The following FIGLA variants were observed in gnomAD, a reference collection of about 807,000 sequenced individuals.
FIGLA encodes factor in the germline alpha.
Under a neutral mutation model 21.5 loss-of-function variants are expected in FIGLA, and 17 were observed. That is an observed-to-expected ratio of 0.79 (90% CI 0.54 to 1.19). The LOEUF is 1.19. FIGLA is among the 50% of genes most tolerant of loss of function. The pLI is 0.00. For synonymous variants in FIGLA, 129 were observed against 117.6 expected (o/e 1.10, Z -0.63); for missense variants, 282 against 285.0 (o/e 0.99, Z 0.08).
chr2:70,790,562 A>G lies in FIGLA; in HGVS notation c.77T>C (p.Leu26Pro). The change falls in exon 1 of 5, where the codon CTG (leucine) becomes CCG (proline). Residue 26 changes from leucine to proline, a missense_variant. Coordinates refer to ENST00000332372, the MANE Select transcript of FIGLA (RefSeq NM_001004311.3). ...ALLGTPQAEVLEDVLREQFGP... is the reference protein window; with the variant it reads ...ALLGTPQAEVPEDVLREQFGP... ...GAACTGCTCCCGCAACACGTCCTCC[A>G]GCACCTCGGCTTGCGGGGTGCCCAG... 1 of 1,523,588 alleles carries G rather than the reference A, an allele frequency of 6.6e-7. No homozygotes were observed. The highest frequency in any genetic ancestry group is 8.8e-7 in the Non-Finnish European group (1 of 1,141,120). The allele number at this position is 1,523,588 out of a possible 1,614,324, so 94.4% of individuals were successfully genotyped here.
chr2:70,790,393 C>T lies in FIGLA; in HGVS notation c.231+15G>A, dbSNP rs781794080. ...GGGAAGGGGGGAACGGACGTCGACC[C>T]TAGGGATCCCTCACCCGCTCACGCT... On this transcript the variant is annotated intron_variant, in intron 1 of 4. Transcript: ENST00000332372. The T allele has an allele frequency of 1.2e-4, 178 of 1,520,424 alleles. 1 individual carries two copies. The African/African-American group carries it at 2.2e-3, about 19-fold the overall frequency. The allele number at this position is 1,520,424 out of a possible 1,614,324, so 94.2% of individuals were successfully genotyped here. A position where few individuals can be genotyped will look rare whatever the true frequency, so the allele number is the denominator to read the frequency against.
Position 70,786,529 on chromosome 2 carries a change from C to A in FIGLA, c.385-890G>T, listed in dbSNP as rs191291187. Among the ~76,000 whole-genome samples the A allele has an allele frequency of 1.9e-3, 286 of 152,290 alleles. 1 individual carries two copies. The highest frequency in any genetic ancestry group is 6.6e-3 in the African/African-American group (274 of 41,558). ...CCATGTTAGCCAGGATGGTCTCGATCTCCTGACCTCATGATCTGCCTGCCT... is the reference window on the plus strand; with the variant it reads ...CCATGTTAGCCAGGATGGTCTCGATATCCTGACCTCATGATCTGCCTGCCT... On this transcript the variant is annotated intron_variant, in intron 2 of 4. Transcript: ENST00000332372.
chr2:70,784,217 C>T (rs955908911), intron 3 of FIGLA, among the ~76,000 whole-genome samples: 8 of 152,066 alleles, frequency 5.3e-5, no homozygotes, highest in Non-Finnish European at 8.8e-5. Context: ...CCCTGCCCTG[C>T]CCCCACCAGC....
At chr2:70,787,922 T>A in intron 1 of FIGLA, 121 bp from the exon 2 acceptor site, 2 of 968,486 alleles carry the variant, frequency 2.1e-6, no homozygotes, top group Middle Eastern at 2.5e-4. Flanking sequence ...TAAACAGGCA[T>A]ATGCCCCAAA....
intron 4 of FIGLA, 47 bp from the exon 5 acceptor site, chr2:70,777,429 C>A (rs1296210488): frequency 2.2e-6 from 3 of 1,394,564 alleles, no homozygotes; most frequent in South Asian, 1.5e-5. Context: ...AAATAAGAAC[C>A]GTTTACAAAA....
intron 1 of FIGLA, 32 bp from the exon 2 acceptor site, chr2:70,787,833 A>C (rs782627641): frequency 1.2e-6 from 2 of 1,604,792 alleles, no homozygotes; most frequent in South Asian, 2.3e-5. Flanking sequence ...TAACACACAG[A>C]GAAGCCAATT....
intron 1 of FIGLA, among the ~76,000 whole-genome samples, chr2:70,789,893 G>A (rs1167049107): frequency 6.6e-6 from 1 of 152,122 alleles, no homozygotes; most frequent in Non-Finnish European, 1.5e-5. Context: ...GGTGCACACT[G>A]GGACGTCGTG....
intron 3 of FIGLA, among the ~76,000 whole-genome samples, chr2:70,783,777 C>T (rs1675898827): frequency 6.6e-6 from 1 of 151,310 alleles, no homozygotes; most frequent in Non-Finnish European, 1.5e-5. Flanking sequence ...CAGCTCACTG[C>T]AACCTCCCCT....
At chr2:70,779,116 C>G (rs895757175) in intron 3 of FIGLA, among the ~76,000 whole-genome samples, 2 of 152,174 alleles carry the variant, frequency 1.3e-5, no homozygotes, top group South Asian at 2.1e-4. Context: ...ATGCAGTCGC[C>G]GGAGCAGCTT....
chr2:70,784,463 G>A (rs1384403801), intron 3 of FIGLA, among the ~76,000 whole-genome samples: 1 of 152,182 alleles, frequency 6.6e-6, no homozygotes, highest in Admixed American at 6.5e-5. Context: ...TATATACAAG[G>A]TAGGTACAAT....
At position 70,777,653 on chromosome 2, in the gene FIGLA, C is replaced by G; in HGVS notation, c.628G>C (p.Glu210Gln). 1 of 1,558,714 alleles carries G rather than the reference C, an allele frequency of 6.4e-7. No individual in the cohort carries two copies. The highest frequency in any genetic ancestry group is 8.8e-7 in the Non-Finnish European group (1 of 1,133,436). The change falls in exon 4 of 5, where the codon GAA (glutamate) becomes CAA (glutamine). Residue 210 changes from glutamate (E) to glutamine (Q), a missense_variant. By Grantham distance (29) the Glu-to-Gln change is conservative. Transcript: ENST00000332372. ...TRSLDRFPEV[E>Q]LLSHRLPQV is the part of the protein sequence containing the mutation. ...ATGACCTACCTGTGACTCAGCAGTT[C>G]TACTTCTGGGAATCTATCCTGCAAA...
chr2:70,784,915 T>A (rs1329004056), intron 3 of FIGLA, among the ~76,000 whole-genome samples: 1 of 148,208 alleles, frequency 6.7e-6, no homozygotes, highest in African/African-American at 2.5e-5. Flanking sequence ...ATTTAAAATG[T>A]TGTCTTACAA....
chr2:70,783,817 C>A (rs751579304), intron 3 of FIGLA, among the ~76,000 whole-genome samples: 32 of 152,018 alleles, frequency 2.1e-4, no homozygotes, highest in South Asian at 4.2e-4. Flanking sequence ...CCTGCCTCAG[C>A]CTCTTGAGTG....
At chr2:70,777,459 AAAATT>A (rs1553388477) in intron 4 of FIGLA, 77 bp from the exon 5 acceptor site, 1 of 1,353,848 alleles carries the variant, frequency 7.4e-7, no homozygotes, top group African/African-American at 1.5e-5. Context: ...AAATATGCAA[AAAATT>A]AATTTTATTA....
At chr2:70,781,274 G>T (rs1675851420) in intron 3 of FIGLA, among the ~76,000 whole-genome samples, 1 of 152,074 alleles carries the variant, frequency 6.6e-6, no homozygotes, top group African/African-American at 2.4e-5. Context: ...TTATACACAG[G>T]GGCATCCTCA....
At chr2:70,790,278 T>G in intron 1 of FIGLA, 130 bp downstream of exon 1, 3 of 777,432 alleles carry the variant, frequency 3.9e-6, no homozygotes, top group Non-Finnish European at 3.7e-6. Context: ...GCTGGGGGCG[T>G]GGGAGGCCTC....
chr2:70,790,131 C>T (rs989809542), intron 1 of FIGLA, among the ~76,000 whole-genome samples: 7 of 152,314 alleles, frequency 4.6e-5, no homozygotes, highest in East Asian at 1.9e-4. Flanking sequence ...TGTCAGGGCC[C>T]CTCCTCTGTC....
At chr2:70,780,848 C>T (rs1675841015) in intron 3 of FIGLA, among the ~76,000 whole-genome samples, 1 of 152,054 alleles carries the variant, frequency 6.6e-6, no homozygotes, top group South Asian at 2.1e-4. Flanking sequence ...CACCCACATA[C>T]AGAGGCAGCC....
chr2:70,777,869 G>A (rs574328242), intron 3 of FIGLA, among the ~76,000 whole-genome samples, 198 bp from the exon 4 acceptor site: 1 of 152,262 alleles, frequency 6.6e-6, no homozygotes, highest in Non-Finnish European at 1.5e-5. Flanking sequence ...TTTTATTTTA[G>A]TTGCAAAGGA....
Sources: gnomAD v4.1 joint callset for allele counts (sites outside exome capture counted in the v4.1 genomes callset) on GRCh38, gnomAD v4.1.1 for gene constraint, MANE v1.5 for transcripts, NCBI Gene and HGNC (gene_info 2026-07-23, HGNC 2026-07-21) for gene names.